The following OLFM3 variants were observed in gnomAD, a reference collection of about 807,000 sequenced individuals.
The protein encoded by OLFM3 is olfactomedin 3, also known as noelin-3.
A neutral mutation model predicts 48.6 loss-of-function variants in OLFM3; 20 were observed. The ratio of observed to expected loss-of-function variants is 0.41; its 90% CI spans 0.29 to 0.60. The LOEUF (loss-of-function observed/expected upper bound fraction) is 0.60. Ranked by LOEUF, OLFM3 falls within the 20% of genes least tolerant of loss-of-function variation. The pLI is 0.28. For missense variants in OLFM3, 437 were observed against 544.3 expected, an observed-to-expected ratio of 0.80 and a Z score of 1.96; for synonymous variants, 222 against 198.1, an observed-to-expected ratio of 1.12 and a Z score of -1.01.
chr1:101,878,772 A>G (rs1277810016), intron 1 of OLFM3, among the ~76,000 whole-genome samples: 1 of 151,936 alleles, frequency 6.6e-6, no homozygotes, highest in Non-Finnish European at 1.5e-5. Context: ...AAACAGAAGC[A>G]ACCACAGTCC....
intron 4 of OLFM3, among the ~76,000 whole-genome samples, chr1:101,808,338 G>T (rs1005028399): frequency 1.3e-5 from 2 of 149,164 alleles, no homozygotes; most frequent in Non-Finnish European, 3.0e-5. Flanking sequence ...ATTTCCAGAA[G>T]GCAGGGTTGA....
chr1:101,912,984 G>C (rs1658808609), intron 1 of OLFM3, among the ~76,000 whole-genome samples: 1 of 152,034 alleles, frequency 6.6e-6, no homozygotes, highest in Non-Finnish European at 1.5e-5. Flanking sequence ...TTTTCTTTAA[G>C]GTTTGTCCTA....
intron 5 of OLFM3, among the ~76,000 whole-genome samples, 170 bp from the exon 6 acceptor site, chr1:101,805,085 C>T (rs2100857900): frequency 1.3e-5 from 2 of 151,946 alleles, no homozygotes; most frequent in East Asian, 1.9e-4. Context: ...AAAAATATTG[C>T]TATGGTCTGT....
chr1:101,939,544 G>A (rs1023964930), intron 1 of OLFM3, among the ~76,000 whole-genome samples: 8 of 152,134 alleles, frequency 5.3e-5, no homozygotes, highest in African/African-American at 1.9e-4. Flanking sequence ...TGATGATACT[G>A]TTGAGGCTCT....
chr1:101,875,998 G>A (rs1329921142), intron 1 of OLFM3, among the ~76,000 whole-genome samples: 1 of 151,982 alleles, frequency 6.6e-6, no homozygotes, highest in African/African-American at 2.4e-5. Context: ...GAATTTATCA[G>A]AATTCTCTGG....
In OLFM3 at chr1:101,818,315, G is replaced by T. The variant is rs1252581800; in HGVS notation, c.592+6711C>A. ...TAGAAAAATGTAGGAGATAAGAGGA[G>T]GATTAATGATAAATAAATATATGAT... On this transcript the variant is annotated intron_variant, in intron 4 of 5. Coordinates refer to ENST00000370103, the MANE Select transcript of OLFM3 (RefSeq NM_058170.4). Among the ~76,000 whole-genome samples the T allele has an allele frequency of 3.3e-5, 5 of 151,934 alleles. No individual in the cohort carries two copies. In the East Asian group the frequency reaches 9.6e-4, roughly 29 times the overall value.
At position 101,830,656 on chromosome 1, in the gene OLFM3, C is replaced by T; in HGVS notation, c.372+16G>A. On this transcript the variant is annotated intron_variant, in intron 3 of 5. Coordinates refer to ENST00000370103, the MANE Select transcript of OLFM3 (RefSeq NM_058170.4). ...TGTCTGATTTGGATTGACAAGATTG[C>T]AGAAGTCAAACCTACCTGAAAATGC... 1 of 1,613,888 alleles carries T rather than the reference C, an allele frequency of 6.2e-7. No individual in the cohort carries two copies. The highest frequency in any genetic ancestry group is 1.3e-5 in the African/African-American group (1 of 75,026).
At chr1:101,995,207 A>G (rs1215292945) in intron 1 of OLFM3, among the ~76,000 whole-genome samples, 1 of 152,158 alleles carries the variant, frequency 6.6e-6, no homozygotes, top group Non-Finnish European at 1.5e-5. Flanking sequence ...TAACTTAGTG[A>G]TTAACTTTGC....
intron 1 of OLFM3, among the ~76,000 whole-genome samples, chr1:101,877,667 A>C (rs969738733): frequency 6.6e-6 from 1 of 151,554 alleles, no homozygotes; most frequent in African/African-American, 2.4e-5. Flanking sequence ...TTTCATTATC[A>C]ACCTGTTTTT....
At chr1:101,940,134 C>T (rs1016685848) in intron 1 of OLFM3, among the ~76,000 whole-genome samples, 5 of 152,060 alleles carry the variant, frequency 3.3e-5, no homozygotes, top group Admixed American at 6.6e-5. Context: ...CAAGTGCATG[C>T]ATTCTCCCTA....
At chr1:101,986,487 T>A (rs1262585067) in intron 1 of OLFM3, among the ~76,000 whole-genome samples, 1 of 152,172 alleles carries the variant, frequency 6.6e-6, no homozygotes, top group Non-Finnish European at 1.5e-5. Flanking sequence ...TACTATCAAC[T>A]TTTCAATATC....
At chr1:101,935,462 C>T (rs114538130) in intron 1 of OLFM3, among the ~76,000 whole-genome samples, 1 of 151,832 alleles carries the variant, frequency 6.6e-6, no homozygotes, top group Admixed American at 6.6e-5. Flanking sequence ...ATAATGAGTT[C>T]CAAAATTGAA....
intron 1 of OLFM3, among the ~76,000 whole-genome samples, chr1:101,929,822 A>C (rs1018096877): frequency 1.3e-5 from 2 of 152,230 alleles, no homozygotes; most frequent in Non-Finnish European, 1.5e-5. Context: ...GATTAGTTCT[A>C]AATGTTTTAA....
chr1:101,884,615 T>C (rs1657672054), intron 1 of OLFM3, among the ~76,000 whole-genome samples: 1 of 151,990 alleles, frequency 6.6e-6, no homozygotes, highest in Non-Finnish European at 1.5e-5. Context: ...TTTGTGCAAA[T>C]GCAGTCAATT....
At chr1:101,849,811 G>T (rs2100946808) in intron 1 of OLFM3, among the ~76,000 whole-genome samples, 1 of 152,276 alleles carries the variant, frequency 6.6e-6, no homozygotes, top group Non-Finnish European at 1.5e-5. Flanking sequence ...CGTTTAGTTT[G>T]GGGGTTTGGA....
intron 1 of OLFM3, 123 bp downstream of exon 1, chr1:101,996,625 A>G: frequency 1.1e-6 from 1 of 941,422 alleles, no homozygotes; most frequent in South Asian, 1.4e-5. Flanking sequence ...GATACGCCAG[A>G]CACCATAAGG....
chr1:101,898,588 C>T (rs1658285377), intron 1 of OLFM3, among the ~76,000 whole-genome samples: 5 of 152,152 alleles, frequency 3.3e-5, no homozygotes, highest in Admixed American at 2.6e-4. Flanking sequence ...GTCGCTCATG[C>T]CTGTAATTCC....
At chr1:101,884,839 C>T (rs1657683206) in intron 1 of OLFM3, among the ~76,000 whole-genome samples, 1 of 151,986 alleles carries the variant, frequency 6.6e-6, no homozygotes, top group African/African-American at 2.4e-5. Flanking sequence ...TGGCCACCCG[C>T]AACCCCATGA....
chr1:101,949,289 G>A (rs1660049179), intron 1 of OLFM3, among the ~76,000 whole-genome samples: 1 of 152,132 alleles, frequency 6.6e-6, no homozygotes, highest in South Asian at 2.1e-4. Flanking sequence ...GAATGCTGGA[G>A]TGCTTAGTTC....
Sources: allele counts gnomAD v4.1 joint callset (sites outside exome capture counted in the v4.1 genomes callset), GRCh38; gene constraint gnomAD v4.1.1; transcripts MANE v1.5; gene names NCBI Gene and HGNC (gene_info 2026-07-23, HGNC 2026-07-21).